The following LSAMP variants were observed in gnomAD, a reference collection of about 807,000 sequenced individuals.
LSAMP encodes the protein limbic system associated membrane protein.
A neutral mutation model predicts 38.6 loss-of-function variants in LSAMP; 7 were observed. The observed-to-expected ratio is 0.18, with a 90% CI of 0.10 to 0.34. LSAMP has a LOEUF of 0.34. LSAMP is among the 10% of genes least tolerant of loss of function. LSAMP has a pLI of 1.00. For missense variants in LSAMP, 313 were observed against 420.0 expected (o/e 0.75, Z 2.23); for synonymous variants, 154 against 166.8 (o/e 0.92, Z 0.59).
intron 3 of LSAMP, among the ~76,000 whole-genome samples, chr3:115,896,743 A>C (rs956890568): frequency 1.3e-5 from 2 of 152,086 alleles, no homozygotes; most frequent in African/African-American, 4.8e-5. Flanking sequence ...AATTGGTCTC[A>C]TGGTATGCAG....
chr3:116,318,055 G>A (rs1382566492), intron 1 of LSAMP, among the ~76,000 whole-genome samples: 2 of 144,814 alleles, frequency 1.4e-5, no homozygotes, highest in Non-Finnish European at 3.0e-5. Context: ...AAAATTGCTT[G>A]AACCCTGGAG....
At chr3:116,024,809 TATC>T (rs1342582423) in intron 2 of LSAMP, among the ~76,000 whole-genome samples, 2 of 150,846 alleles carry the variant, frequency 1.3e-5, no homozygotes, top group Admixed American at 6.6e-5. Context: ...TTATTATCAT[TATC>T]ATTATTACTA....
intron 1 of LSAMP, among the ~76,000 whole-genome samples, chr3:116,172,205 G>C (rs1710218363): frequency 6.6e-6 from 1 of 151,924 alleles, no homozygotes; most frequent in African/African-American, 2.4e-5. Context: ...AAAAATGACT[G>C]CTGGCCATGC....
At chr3:116,000,336 A>G (rs1326732896) in intron 3 of LSAMP, among the ~76,000 whole-genome samples, 1 of 151,884 alleles carries the variant, frequency 6.6e-6, no homozygotes, top group East Asian at 1.9e-4. Flanking sequence ...TGCAGATGAG[A>G]AAACTGAGAC....
At chr3:115,895,973 G>T (rs1401469105) in intron 3 of LSAMP, among the ~76,000 whole-genome samples, 1 of 152,032 alleles carries the variant, frequency 6.6e-6, no homozygotes, top group African/African-American at 2.4e-5. Context: ...AACATCTATT[G>T]TTGTACAACA....
At chr3:116,165,129 G>A (rs1253703684) in intron 1 of LSAMP, among the ~76,000 whole-genome samples, 1 of 152,168 alleles carries the variant, frequency 6.6e-6, no homozygotes, top group East Asian at 1.9e-4. Flanking sequence ...CTTCTAGGTT[G>A]AAATTTTGCT....
At chr3:115,947,291 A>G (rs1445081691) in intron 3 of LSAMP, among the ~76,000 whole-genome samples, 1 of 152,204 alleles carries the variant, frequency 6.6e-6, no homozygotes, top group African/African-American at 2.4e-5. Flanking sequence ...AAACTCTCAA[A>G]TAATGAATTA....
chr3:115,861,644 T>C (rs999478491), intron 3 of LSAMP, among the ~76,000 whole-genome samples: 4 of 152,190 alleles, frequency 2.6e-5, no homozygotes, highest in Admixed American at 6.5e-5. Context: ...GGTTGGAAGC[T>C]AATGACTTCC....
intron 1 of LSAMP, among the ~76,000 whole-genome samples, chr3:116,105,864 G>T (rs1352843974): frequency 4.6e-5 from 7 of 152,010 alleles, no homozygotes; most frequent in Non-Finnish European, 5.9e-5. Context: ...AAAATTTTTG[G>T]GGGGTGGTAT....
At chr3:116,264,838 T>C (rs2046872211) in intron 1 of LSAMP, among the ~76,000 whole-genome samples, 1 of 151,928 alleles carries the variant, frequency 6.6e-6, no homozygotes, top group Admixed American at 6.6e-5. Flanking sequence ...AAAAACTGAG[T>C]TTAAACAATC....
intron 3 of LSAMP, among the ~76,000 whole-genome samples, chr3:115,857,957 G>A (rs1175116332): frequency 1.3e-5 from 2 of 152,092 alleles, no homozygotes; most frequent in Non-Finnish European, 2.9e-5. Context: ...CAGTGCCTTC[G>A]GAGTTCCATG....
intron 1 of LSAMP, among the ~76,000 whole-genome samples, chr3:116,366,188 T>C (rs1049755410): frequency 4.6e-5 from 7 of 151,498 alleles, no homozygotes; most frequent in Admixed American, 1.3e-4. Context: ...AAAAAAAATC[T>C]CATTCAAAAG....
At chr3:116,141,706 T>C (rs1253333958) in intron 1 of LSAMP, among the ~76,000 whole-genome samples, 2 of 151,898 alleles carry the variant, frequency 1.3e-5, no homozygotes, top group African/African-American at 4.8e-5. Flanking sequence ...ATCACACTAT[T>C]TTTCAATCTC....
At chr3:115,889,425 G>A (rs1936538676) in intron 3 of LSAMP, among the ~76,000 whole-genome samples, 1 of 151,788 alleles carries the variant, frequency 6.6e-6, no homozygotes, top group African/African-American at 2.4e-5. Context: ...CTCCAATTGG[G>A]GTTATATTTA....
At chr3:116,228,550 A>G (rs1300728562) in intron 1 of LSAMP, among the ~76,000 whole-genome samples, 1 of 152,158 alleles carries the variant, frequency 6.6e-6, no homozygotes, top group African/African-American at 2.4e-5. Flanking sequence ...GAAATTGATT[A>G]GTCCAATATA....
intron 1 of LSAMP, among the ~76,000 whole-genome samples, chr3:116,369,659 G>A (rs1330064890): frequency 2.6e-5 from 4 of 152,078 alleles, no homozygotes; most frequent in South Asian, 2.1e-4. Context: ...CTGGAATTAC[G>A]TCTCTCCCAA....
intron 6 of LSAMP, among the ~76,000 whole-genome samples, chr3:115,839,266 C>CTTCCTTCCTTCT (rs1559844688): frequency 6.0e-4 from 26 of 43,348 alleles, no homozygotes; most frequent in South Asian, 3.0e-3. Context: ...TCTTTCTTTC[C>CTTCCTTCCTTCT]TTCCTTCCTT....
intron 3 of LSAMP, among the ~76,000 whole-genome samples, chr3:115,867,134 A>G (rs1935885082): frequency 1.3e-5 from 2 of 152,102 alleles, no homozygotes; most frequent in African/African-American, 4.8e-5. Context: ...TCACTAACAT[A>G]TAAGTCTTGG....
intron 1 of LSAMP, among the ~76,000 whole-genome samples, chr3:116,415,574 G>A (rs1036284865): frequency 7.2e-5 from 11 of 152,074 alleles, no homozygotes; most frequent in African/African-American, 2.7e-4. Flanking sequence ...GAATTACCCA[G>A]ATCATCTTGG....
Sources: gnomAD v4.1 joint callset for allele counts (sites outside exome capture counted in the v4.1 genomes callset) on GRCh38, gnomAD v4.1.1 for gene constraint, MANE v1.5 for transcripts, NCBI Gene and HGNC (gene_info 2026-07-23, HGNC 2026-07-21) for gene names.